Variants in BAIAP2 observed in about 807,000 individuals in gnomAD.
BAIAP2 encodes the protein BAR/IMD domain-containing adapter protein 2.
Under a neutral mutation model 63.0 loss-of-function variants are expected in BAIAP2, and 18 were observed. That is an observed-to-expected ratio of 0.29 (90% CI 0.20 to 0.42). BAIAP2 has a LOEUF of 0.42. Ranked by LOEUF, BAIAP2 falls within the 10% of genes least tolerant of loss-of-function variation. BAIAP2 has a pLI of 1.00. For synonymous variants in BAIAP2, 386 were observed against 307.6 expected (o/e 1.25, Z -2.67); for missense variants, 610 against 734.3 (o/e 0.83, Z 1.96).
In BAIAP2 at chr17:81,104,120, G is replaced by A. The variant is rs763241412; in HGVS notation, c.1066+12G>A. On this transcript the variant is annotated intron_variant, in intron 9 of 13. Coordinates refer to ENST00000428708, the MANE Select transcript of BAIAP2 (RefSeq NM_001144888.2). ...CAGCTATGCCACCAGTAAGGGCTCC[G>A]CTGGGGTGTTGGGCTGGGGTCCCTG... 15 of 1,612,494 alleles carry A rather than the reference G, an allele frequency of 9.3e-6. No homozygotes were observed. The highest frequency in any genetic ancestry group is 2.7e-5 in the African/African-American group (2 of 75,032).
At chr17:81,089,325 C>G (rs987562710) in intron 6 of BAIAP2, among the ~76,000 whole-genome samples, 1 of 152,220 alleles carries the variant, frequency 6.6e-6, no homozygotes, top group Non-Finnish European at 1.5e-5. Context: ...CCTTCGTTGA[C>G]TGGCCCAAGG....
chr17:81,057,976 C>A lies in BAIAP2; in HGVS notation c.217+9C>A, dbSNP rs778157788. On this transcript the variant is annotated intron_variant, in intron 3 of 13. Transcript: ENST00000428708. ...GGGCTCCAAAGAACTCGGTGAGACC[C>A]CCCCCCCCCCCCCGCCTGGTAGTCG... 6.5e-4 allele frequency: 120 copies of A among 183,374 alleles called. 1 individual carries two copies. The highest frequency in any genetic ancestry group is 7.4e-4 in the South Asian group (7 of 9,436). The allele number at this position is 183,374 out of a possible 1,614,324, so 11.4% of individuals were successfully genotyped here. A position where few individuals can be genotyped will look rare whatever the true frequency, so the allele number is the denominator to read the frequency against.
intron 6 of BAIAP2, chr17:81,098,265 G>A: frequency 8.4e-7 from 1 of 1,184,824 alleles, no homozygotes. Flanking sequence ...TGGGAGCACA[G>A]TCCGGGGCCT....
At chr17:81,108,851 G>A in intron 13 of BAIAP2, 2 of 1,429,026 alleles carry the variant, frequency 1.4e-6, no homozygotes, top group South Asian at 1.4e-5. Context: ...TCTTCCTGGA[G>A]GGTCAGGAGG....
rs1215618219 is a variant in BAIAP2, at chr17:81,117,171, T to A, written c.*1332T>A. 1 of 146,670 alleles carries A rather than the reference T, an allele frequency of 6.8e-6. No homozygotes were observed. The highest frequency in any genetic ancestry group is 2.6e-5 in the African/African-American group (1 of 37,950). The allele number at this position is 146,670 out of a possible 1,614,324, so 9.1% of individuals were successfully genotyped here. ...CTCCACCGGGGTGTGCCGAGGACAG[T>A]GGGGAGGAGAGGAGAGGGGCAGCTT... On this transcript the variant is annotated 3_prime_UTR_variant, in exon 14 of 14. Transcript: ENST00000428708.
chr17:81,044,268 G>C (rs937974211), intron 1 of BAIAP2, among the ~76,000 whole-genome samples: 1 of 152,398 alleles, frequency 6.6e-6, no homozygotes, highest in East Asian at 1.9e-4. Flanking sequence ...GGATGGGGCA[G>C]CGGCCTCGGG....
rs2059413768 is a variant in BAIAP2 at position 81,108,256 on chromosome 17, G to C, written c.1501-219G>C. 5.0e-6 allele frequency: 3 copies of C among 600,240 alleles called. No individual in the cohort carries two copies. The African/African-American group carries it at 5.6e-5, about 11-fold the overall frequency. 37.2% of individuals were successfully genotyped at this position (600,240 alleles called of 1,614,324 possible). ...ATTGAGGTGGCCGCTGGCTGGAGGA[G>C]GTATCCCCTTTAATTTGGGCAGTCA... On this transcript the variant is annotated intron_variant, in intron 12 of 13. Transcript: ENST00000428708.
chr17:81,085,468 G>A (rs1250832934), intron 4 of BAIAP2, 186 bp from the exon 5 acceptor site: 2 of 698,922 alleles, frequency 2.9e-6, no homozygotes, highest in Non-Finnish European at 5.2e-6. Context: ...TTCAGCACTC[G>A]CTCCTGGCTC....
At chr17:81,113,224 C>A (rs1468495827) in intron 13 of BAIAP2, among the ~76,000 whole-genome samples, 1 of 152,240 alleles carries the variant, frequency 6.6e-6, no homozygotes. Context: ...GCAGGCCCTC[C>A]TCAGGGTCCT....
Position 81,108,805 on chromosome 17 carries a change from C to T in BAIAP2, c.1535+296C>T, listed in dbSNP as rs1046610374. 24 of 1,195,662 alleles carry T rather than the reference C, an allele frequency of 2.0e-5. No individual in the cohort carries two copies. In the Middle Eastern group the frequency reaches 1.5e-3, roughly 72 times the overall value. The allele number at this position is 1,195,662 out of a possible 1,614,324, so 74.1% of individuals were successfully genotyped here. A position where few individuals can be genotyped will look rare whatever the true frequency, so the allele number is the denominator to read the frequency against. ...GCATCCATGGCTGGGGCTGCAGCCT[C>T]CTCTGCCCCAATCTGTGCTCCGCCC... On this transcript the variant is annotated intron_variant, in intron 13 of 13. Coordinates refer to ENST00000428708, the MANE Select transcript of BAIAP2 (RefSeq NM_001144888.2).
chr17:81,114,233 C>T (rs1178154098), intron 13 of BAIAP2, among the ~76,000 whole-genome samples: 1 of 150,846 alleles, frequency 6.6e-6, no homozygotes, highest in African/African-American at 2.4e-5. Context: ...TTTGGCCTCT[C>T]AGAGTGCTGG....
At chr17:81,094,687 A>C (rs1255208634) in intron 6 of BAIAP2, among the ~76,000 whole-genome samples, 3 of 152,296 alleles carry the variant, frequency 2.0e-5, no homozygotes, top group Non-Finnish European at 4.4e-5. Context: ...TACCGTGCCC[A>C]TCAGCCTGGG....
intron 10 of BAIAP2, chr17:81,105,847 C>T (rs906309605): frequency 2.5e-5 from 12 of 475,186 alleles, no homozygotes; most frequent in African/African-American, 2.0e-4. Flanking sequence ...TCTGGTGGGG[C>T]CGGCAGCTCC....
chr17:81,044,714 T>C (rs1029309628), intron 1 of BAIAP2, among the ~76,000 whole-genome samples: 1 of 152,204 alleles, frequency 6.6e-6, no homozygotes, highest in African/African-American at 2.4e-5. Flanking sequence ...TCAGGCTGAT[T>C]GTATTACGAG....
intron 6 of BAIAP2, among the ~76,000 whole-genome samples, chr17:81,090,067 C>G (rs2056448395): frequency 6.6e-6 from 1 of 152,150 alleles, no homozygotes; most frequent in Non-Finnish European, 1.5e-5. Context: ...TGCAGCTGCT[C>G]CTCCCCACTC....
At chr17:81,093,336 G>T (rs1321953922) in intron 6 of BAIAP2, among the ~76,000 whole-genome samples, 1 of 152,202 alleles carries the variant, frequency 6.6e-6, no homozygotes, top group Non-Finnish European at 1.5e-5. Flanking sequence ...TGCTGCAGAG[G>T]AGGGTAGCAT....
chr17:81,064,019 G>A (rs898988875), intron 3 of BAIAP2, among the ~76,000 whole-genome samples: 4 of 152,216 alleles, frequency 2.6e-5, no homozygotes, highest in East Asian at 3.9e-4. Flanking sequence ...ACACCCGGCC[G>A]AGCAGGGCCC....
chr17:81,072,996 C>T (rs890527218), intron 3 of BAIAP2, among the ~76,000 whole-genome samples: 4 of 152,126 alleles, frequency 2.6e-5, no homozygotes, highest in African/African-American at 9.7e-5. Context: ...AGCCCCTTCC[C>T]ACAGCCCTGG....
intron 3 of BAIAP2, among the ~76,000 whole-genome samples, chr17:81,067,989 T>C (rs920454349): frequency 5.9e-5 from 9 of 152,164 alleles, no homozygotes; most frequent in Non-Finnish European, 7.4e-5. Context: ...CCCCACACAG[T>C]GTTGGCCGCA....
Sources: allele counts gnomAD v4.1 joint callset (sites outside exome capture counted in the v4.1 genomes callset), GRCh38; gene constraint gnomAD v4.1.1; transcripts MANE v1.5; gene names NCBI Gene and HGNC (gene_info 2026-07-23, HGNC 2026-07-21).